Variants in FOXO1 observed in about 807,000 individuals in gnomAD.
The protein encoded by FOXO1 is forkhead box protein O1.
In FOXO1, 6 loss-of-function variants were observed where a neutral mutation model predicts 44.1. The ratio of observed to expected loss-of-function variants is 0.14; its 90% CI spans 0.07 to 0.27. The LOEUF (loss-of-function observed/expected upper bound fraction) is 0.27, where lower values mean the gene tolerates loss of function less well. FOXO1 is among the 10% of genes least tolerant of loss of function. FOXO1 has a pLI of 1.00. For missense variants in FOXO1, 737 were observed against 888.8 expected, an observed-to-expected ratio of 0.83 and a Z score of 2.17; for synonymous variants, 380 against 362.7, an observed-to-expected ratio of 1.05 and a Z score of -0.54.
Position 40,568,755 on chromosome 13 carries a change from C to T in FOXO1, c.631-7895G>A, listed in dbSNP as rs185683838. On this transcript the variant is annotated intron_variant, in intron 1 of 2. Coordinates refer to ENST00000379561, the MANE Select transcript of FOXO1 (RefSeq NM_002015.4). ...TCAAAGACCACTATACCCCCCACTG[C>T]TACCCCCACTGTGCAGAGGTCTTAA... Among the ~76,000 whole-genome samples, 803 of 152,266 alleles carry T rather than the reference C, an allele frequency of 5.3e-3. 5 individuals carry two copies. The highest frequency in any genetic ancestry group is 8.1e-3 in the Non-Finnish European group (550 of 68,012).
intron 1 of FOXO1, among the ~76,000 whole-genome samples, chr13:40,664,177 A>G (rs964972022): frequency 6.6e-6 from 1 of 152,152 alleles, no homozygotes; most frequent in African/African-American, 2.4e-5. Flanking sequence ...GGAGGCTGAG[A>G]CAGGAGAATC....
chr13:40,557,911 A>G lies in FOXO1; in HGVS notation c.*1138T>C, dbSNP rs558856511. ...TATGCAGTACGCATAGTTCAGTAGA[A>G]GCAGATGAAATTTCTTTAAAATACA... On this transcript the variant is annotated 3_prime_UTR_variant, in exon 3 of 3. Transcript: ENST00000379561. The G allele has an allele frequency of 6.6e-6, 1 of 152,374 alleles. No homozygotes were observed. The highest frequency in any genetic ancestry group is 2.1e-4 in the South Asian group (1 of 4,830). 9.4% of individuals were successfully genotyped at this position (152,374 alleles called of 1,614,324 possible).
intron 1 of FOXO1, among the ~76,000 whole-genome samples, chr13:40,565,541 G>A (rs1428036589): frequency 6.6e-6 from 1 of 152,096 alleles, no homozygotes; most frequent in African/African-American, 2.4e-5. Flanking sequence ...GATCCCTGGG[G>A]CGGTGGGGGG....
At chr13:40,562,404 CTACT>C (rs1164516842) in intron 1 of FOXO1, among the ~76,000 whole-genome samples, 4 of 152,170 alleles carry the variant, frequency 2.6e-5, no homozygotes, top group Non-Finnish European at 5.9e-5. Context: ...GGTGGCTCTG[CTACT>C]TACTTACCTA....
chr13:40,577,511 T>C (rs1002267024), intron 1 of FOXO1, among the ~76,000 whole-genome samples: 7 of 152,212 alleles, frequency 4.6e-5, no homozygotes, highest in African/African-American at 7.2e-5. Flanking sequence ...CAGAGTCTAA[T>C]ACTCTGTCCA....
chr13:40,643,347 G>GAAAAAA (rs71727126), intron 1 of FOXO1, among the ~76,000 whole-genome samples: 35 of 91,312 alleles, frequency 3.8e-4, no homozygotes, highest in East Asian at 7.1e-4. Flanking sequence ...GTCTCAAAAA[G>GAAAAAA]AAAAAAAAAA....
At chr13:40,576,761 C>G (rs1388830730) in intron 1 of FOXO1, among the ~76,000 whole-genome samples, 1 of 152,192 alleles carries the variant, frequency 6.6e-6, no homozygotes, top group Non-Finnish European at 1.5e-5. Flanking sequence ...CAAAGGAGGG[C>G]AGGATGCTGG....
intron 1 of FOXO1, among the ~76,000 whole-genome samples, chr13:40,588,604 G>A (rs768884147): frequency 6.6e-6 from 1 of 152,144 alleles, no homozygotes; most frequent in Non-Finnish European, 1.5e-5. Context: ...CTCACTTACA[G>A]GGGCTGGGAA....
rs1392457537 is a variant in FOXO1 at position 40,610,061 on chromosome 13, CG to C, written c.631-49202del. ...CGACAATTTTCACAACTGTATTCGA[CG>C]TAACTGCTTTCCTTTGCAATCACAT... On this transcript the variant is annotated intron_variant, in intron 1 of 2. Transcript: ENST00000379561. 6.6e-5 allele frequency among the ~76,000 whole-genome samples: 10 copies of C among 152,090 alleles called. No homozygotes were observed. The East Asian group carries it at 1.5e-3, about 23-fold the overall frequency.
chr13:40,584,411 C>G (rs1252749817), intron 1 of FOXO1, among the ~76,000 whole-genome samples: 2 of 138,938 alleles, frequency 1.4e-5, no homozygotes, highest in African/African-American at 5.5e-5. Flanking sequence ...ATGGCTTGAG[C>G]CCAGGAGTTC....
intron 1 of FOXO1, among the ~76,000 whole-genome samples, chr13:40,630,844 GC>G (rs1318966402): frequency 6.6e-6 from 1 of 152,120 alleles, no homozygotes; most frequent in Non-Finnish European, 1.5e-5. Context: ...GAAGGAAGTT[GC>G]CTTAAAGTAT....
rs567347205 is a variant in FOXO1 at position 40,557,063 on chromosome 13, T to A, written c.*1986A>T. ...GATCATCACAGTGGGAAGCTTACAA[T>A]AGAGCTGGCTTACTGTAGGAAATCT... On this transcript the variant is annotated 3_prime_UTR_variant, in exon 3 of 3. Coordinates refer to ENST00000379561, the MANE Select transcript of FOXO1 (RefSeq NM_002015.4). The A allele has an allele frequency of 6.6e-6, 1 of 152,344 alleles. No individual in the cohort carries two copies. Among genetic ancestry groups the A allele is most frequent in the East Asian group, 1.9e-4 (1 of 5,190 alleles). 9.4% of individuals were successfully genotyped at this position (152,344 alleles called of 1,614,324 possible). A position where few individuals can be genotyped will look rare whatever the true frequency, so the allele number is the denominator to read the frequency against.
chr13:40,573,851 A>G (rs924900615), intron 1 of FOXO1, among the ~76,000 whole-genome samples: 15 of 152,234 alleles, frequency 9.9e-5, no homozygotes, highest in Admixed American at 6.5e-5. Flanking sequence ...GATAATCTTA[A>G]TAACTTCGGG....
chr13:40,618,988 G>T, intron 1 of FOXO1: 1 of 519,308 alleles, frequency 1.9e-6, no homozygotes, highest in South Asian at 1.4e-5. Flanking sequence ...AGCCTGACTC[G>T]AGAAATGGAA....
chr13:40,604,913 T>C (rs565660654), intron 1 of FOXO1, among the ~76,000 whole-genome samples: 24 of 152,262 alleles, frequency 1.6e-4, no homozygotes, highest in Admixed American at 1.2e-3. Flanking sequence ...GTTCCCAGCC[T>C]CAGGAATGCA....
At chr13:40,571,951 A>G (rs1421150716) in intron 1 of FOXO1, among the ~76,000 whole-genome samples, 1 of 152,254 alleles carries the variant, frequency 6.6e-6, no homozygotes, top group Non-Finnish European at 1.5e-5. Flanking sequence ...AAAATAAAGC[A>G]TAGCCATACC....
chr13:40,620,446 C>A, intron 1 of FOXO1: 1 of 643,968 alleles, frequency 1.6e-6, no homozygotes, highest in South Asian at 1.6e-5. Context: ...GTTGAGCCAT[C>A]ATCAGTGGCT....
intron 1 of FOXO1, among the ~76,000 whole-genome samples, chr13:40,664,203 T>C (rs1878138421): frequency 6.6e-6 from 1 of 150,656 alleles, no homozygotes; most frequent in Admixed American, 6.6e-5. Context: ...AACCAGAGAG[T>C]CGGAGGTTGC....
intron 1 of FOXO1, among the ~76,000 whole-genome samples, chr13:40,614,946 G>GT (rs1876368959): frequency 6.6e-6 from 1 of 152,216 alleles, no homozygotes; most frequent in African/African-American, 2.4e-5. Flanking sequence ...AATGTACACA[G>GT]TAAGAGGAAG....
Sources: allele counts gnomAD v4.1 joint callset (sites outside exome capture counted in the v4.1 genomes callset), GRCh38; gene constraint gnomAD v4.1.1; transcripts MANE v1.5; gene names NCBI Gene and HGNC (gene_info 2026-07-23, HGNC 2026-07-21).